The following PRUNE2 variants were observed in gnomAD, a reference collection of about 807,000 sequenced individuals.
PRUNE2 encodes prune homolog 2 with BCH domain, also known as protein prune homolog 2.
Under a neutral mutation model 252.0 loss-of-function variants are expected in PRUNE2, and 164 were observed. The ratio of observed to expected loss-of-function variants is 0.65; its 90% CI spans 0.57 to 0.74. The LOEUF (loss-of-function observed/expected upper bound fraction) is 0.74. PRUNE2 is among the 30% of genes least tolerant of loss of function. The pLI is 0.00. For missense variants in PRUNE2, 3,495 were observed against 3,711.0 expected, an observed-to-expected ratio of 0.94 and a Z score of 1.51; for synonymous variants, 1,292 against 1,350.2, an observed-to-expected ratio of 0.96 and a Z score of 0.94.
chr9:76,670,335 T>C (rs1025431216), intron 9 of PRUNE2, among the ~76,000 whole-genome samples: 1 of 151,588 alleles, frequency 6.6e-6, no homozygotes, highest in African/African-American at 2.4e-5. Context: ...AATACTGCGC[T>C]TTTCCAAAGG....
chr9:76,797,210 T>C (rs993331639), intron 6 of PRUNE2, among the ~76,000 whole-genome samples: 9 of 152,162 alleles, frequency 5.9e-5, no homozygotes, highest in Non-Finnish European at 1.2e-4. Context: ...AAAGAATGTA[T>C]TTCATTAGTT....
chr9:76,730,897 G>A (rs997064420), intron 6 of PRUNE2, among the ~76,000 whole-genome samples: 5 of 152,082 alleles, frequency 3.3e-5, no homozygotes, highest in South Asian at 4.1e-4. Flanking sequence ...GCTAGACTCC[G>A]TCTCAAAAAA....
intron 6 of PRUNE2, among the ~76,000 whole-genome samples, chr9:76,793,000 C>A (rs1248480320): frequency 6.6e-6 from 1 of 152,182 alleles, no homozygotes; most frequent in Non-Finnish European, 1.5e-5. Context: ...TTACTGGCAA[C>A]AAAACTGATG....
chr9:76,629,102 CA>C, intron 16 of PRUNE2, 89 bp downstream of exon 16: 1 of 732,372 alleles, frequency 1.4e-6, no homozygotes, highest in Non-Finnish European at 2.2e-6. Context: ...CTCAGCCTCC[CA>C]AAGTGCTAGG....
chr9:76,845,073 A>G (rs2059603998), intron 4 of PRUNE2, among the ~76,000 whole-genome samples: 1 of 150,768 alleles, frequency 6.6e-6, no homozygotes, highest in Non-Finnish European at 1.5e-5. Context: ...ACCATTGTTC[A>G]TTTTTTGGTA....
chr9:76,755,533 T>C (rs1014659339), intron 6 of PRUNE2, among the ~76,000 whole-genome samples: 1 of 151,996 alleles, frequency 6.6e-6, no homozygotes, highest in African/African-American at 2.4e-5. Flanking sequence ...CAAAGAACGC[T>C]GGGAGGAGAG....
At chr9:76,677,127 T>A (rs1462601097) in intron 9 of PRUNE2, among the ~76,000 whole-genome samples, 1 of 152,266 alleles carries the variant, frequency 6.6e-6, no homozygotes, top group African/African-American at 2.4e-5. Context: ...TATCCTTGCG[T>A]TGCAGTCTGT....
intron 6 of PRUNE2, among the ~76,000 whole-genome samples, chr9:76,799,067 G>C (rs368713583): frequency 1.3e-5 from 2 of 152,132 alleles, no homozygotes; most frequent in South Asian, 4.2e-4. Context: ...TTGGCCAAAC[G>C]CGGTGGCTCA....
intron 9 of PRUNE2, among the ~76,000 whole-genome samples, chr9:76,659,071 AG>A (rs954717094): frequency 6.6e-6 from 1 of 152,178 alleles, no homozygotes; most frequent in African/African-American, 2.4e-5. Flanking sequence ...GTGGCTGTGG[AG>A]GGGCTCGGCC....
intron 9 of PRUNE2, among the ~76,000 whole-genome samples, chr9:76,666,794 C>T (rs1226244777): frequency 6.6e-6 from 1 of 152,192 alleles, no homozygotes; most frequent in Admixed American, 6.5e-5. Context: ...AATCTCTCGT[C>T]TCCGCACACA....
chr9:76,880,252 A>G (rs2061701921), intron 1 of PRUNE2, among the ~76,000 whole-genome samples: 1 of 152,084 alleles, frequency 6.6e-6, no homozygotes, highest in South Asian at 2.1e-4. Context: ...TGTTTTAAGT[A>G]CACATAATTC....
At chr9:76,796,343 G>A (rs2056092194) in intron 6 of PRUNE2, among the ~76,000 whole-genome samples, 1 of 152,116 alleles carries the variant, frequency 6.6e-6, no homozygotes, top group Non-Finnish European at 1.5e-5. Context: ...TTACCCCAGG[G>A]CACAGGAGAA....
intron 1 of PRUNE2, among the ~76,000 whole-genome samples, chr9:76,878,093 A>G (rs1564490524): frequency 6.6e-6 from 1 of 152,208 alleles, no homozygotes; most frequent in African/African-American, 2.4e-5. Flanking sequence ...TGCAGAAGAC[A>G]GGTCAGCACT....
At chr9:76,723,869 G>C (rs1190893064) in intron 6 of PRUNE2, among the ~76,000 whole-genome samples, 1 of 148,650 alleles carries the variant, frequency 6.7e-6, no homozygotes, top group African/African-American at 2.5e-5. Flanking sequence ...GTGCAGTGGT[G>C]CGATCTCGGC....
At chr9:76,889,440 C>T (rs1371019949) in intron 1 of PRUNE2, among the ~76,000 whole-genome samples, 1 of 151,756 alleles carries the variant, frequency 6.6e-6, no homozygotes, top group Admixed American at 6.6e-5. Context: ...CTTGCCTCAG[C>T]CCCCCAAGTA....
At chr9:76,626,535 A>C (rs979932734) in intron 16 of PRUNE2, among the ~76,000 whole-genome samples, 1 of 152,238 alleles carries the variant, frequency 6.6e-6, no homozygotes, top group Non-Finnish European at 1.5e-5. Context: ...AATGGTGGTA[A>C]ATTTCTTTCT....
chr9:76,699,693 AATT>A (rs2045716190), intron 9 of PRUNE2, among the ~76,000 whole-genome samples: 1 of 152,168 alleles, frequency 6.6e-6, no homozygotes, highest in South Asian at 2.1e-4. Context: ...AATTCCTTAA[AATT>A]CTCTCAGTAG....
At chr9:76,772,001 T>C in intron 6 of PRUNE2, among the ~76,000 whole-genome samples, 1 of 152,202 alleles carries the variant, frequency 6.6e-6, no homozygotes. Context: ...ACAGCAAATT[T>C]GCCTATACGA....
chr9:76,761,084 T>TGAA (rs79923302), intron 6 of PRUNE2, among the ~76,000 whole-genome samples: 3 of 55,860 alleles, frequency 5.4e-5, no homozygotes, highest in African/African-American at 2.6e-4. Flanking sequence ...AGACTCTGTC[T>TGAA]CAAAAAAAAA....
Sources: allele counts gnomAD v4.1 joint callset (sites outside exome capture counted in the v4.1 genomes callset), GRCh38; gene constraint gnomAD v4.1.1; transcripts MANE v1.5; gene names NCBI Gene and HGNC (gene_info 2026-07-23, HGNC 2026-07-21).